Variants in AIMP1 observed in about 807,000 individuals in gnomAD.
The protein encoded by AIMP1 is aminoacyl tRNA synthase complex-interacting multifunctional protein 1.
Under a neutral mutation model 33.1 loss-of-function variants are expected in AIMP1, and 24 were observed. That is an observed-to-expected ratio of 0.73 (90% CI 0.53 to 1.02). AIMP1 has a LOEUF of 1.02. AIMP1 is among the 50% of genes least tolerant of loss of function. AIMP1 has a pLI of 0.00. For synonymous variants in AIMP1, 120 were observed against 121.5 expected, an observed-to-expected ratio of 0.99 and a Z score of 0.08; for missense variants, 367 against 364.8, an observed-to-expected ratio of 1.01 and a Z score of -0.05.
intron 5 of AIMP1, among the ~76,000 whole-genome samples, chr4:106,332,227 A>G (rs185154036): frequency 1.7e-3 from 258 of 152,216 alleles, no homozygotes; most frequent in Non-Finnish European, 3.1e-3. Context: ...AACAAAATAC[A>G]AAACATCCCA....
At chr4:106,318,390 C>T (rs899055718) in intron 1 of AIMP1, among the ~76,000 whole-genome samples, 7 of 152,142 alleles carry the variant, frequency 4.6e-5, no homozygotes, top group South Asian at 2.1e-4. Context: ...ATAATAAGGA[C>T]GGTCTTTCAG....
rs1052449916 is a variant in AIMP1, at chr4:106,331,030, T to C, written c.392-642T>C. Among the ~76,000 whole-genome samples, 21 of 152,306 alleles carry C rather than the reference T, an allele frequency of 1.4e-4. 1 individual carries two copies. The highest frequency in any genetic ancestry group is 1.2e-3 in the Admixed American group (19 of 15,292). ...TATCTGCTTAAATAGTTACTGTGGA[T>C]AACCCTAAAATCCTAATATATCTTC... On this transcript the variant is annotated intron_variant, in intron 4 of 6. Transcript: ENST00000672341.
At chr4:106,337,102 C>A in intron 6 of AIMP1, 65 bp downstream of exon 6, 2 of 1,407,466 alleles carry the variant, frequency 1.4e-6, no homozygotes, top group African/African-American at 1.4e-5. Flanking sequence ...GTTTGTAATG[C>A]TTAAAGGTTA....
chr4:106,320,939 G>T (rs1303485958), intron 1 of AIMP1, among the ~76,000 whole-genome samples: 1 of 152,152 alleles, frequency 6.6e-6, no homozygotes, highest in Non-Finnish European at 1.5e-5. Context: ...GTGGAGACGG[G>T]GTTTCACCGT....
intron 5 of AIMP1, among the ~76,000 whole-genome samples, chr4:106,336,328 C>T (rs1032623242): frequency 3.3e-5 from 5 of 150,864 alleles, no homozygotes; most frequent in Non-Finnish European, 7.4e-5. Flanking sequence ...AGGTGTGAGC[C>T]ACCACACCCA....
chr4:106,324,136 A>G (rs1769373937), intron 1 of AIMP1, among the ~76,000 whole-genome samples: 2 of 152,016 alleles, frequency 1.3e-5, no homozygotes, highest in Admixed American at 6.5e-5. Flanking sequence ...AAATTTCACC[A>G]TTAATATTGA....
chr4:106,343,511 A>G (rs891496202), intron 6 of AIMP1, among the ~76,000 whole-genome samples: 3 of 151,888 alleles, frequency 2.0e-5, no homozygotes, highest in Non-Finnish European at 2.9e-5. Flanking sequence ...CACACAGGGG[A>G]TTTTCTTTTT....
intron 6 of AIMP1, among the ~76,000 whole-genome samples, chr4:106,344,313 A>G (rs1021117494): frequency 1.3e-5 from 2 of 152,140 alleles, no homozygotes; most frequent in African/African-American, 4.8e-5. Context: ...ACATGTTCCA[A>G]GGGGGAAGGA....
rs767287148 is a variant in AIMP1, at chr4:106,336,748, A to T, written c.604-121A>T. 54 of 973,012 alleles carry T rather than the reference A, an allele frequency of 5.5e-5. No individual in the cohort carries two copies. In the Middle Eastern group the frequency reaches 1.2e-3, roughly 21 times the overall value. 60.3% of individuals were successfully genotyped at this position (973,012 alleles called of 1,614,324 possible). A position where few individuals can be genotyped will look rare whatever the true frequency, so the allele number is the denominator to read the frequency against. The stretch of plus-strand genomic sequence containing the variant: ...AGAGACTTTGGGCACACAAAGACAA[A>T]GGTACATCCACAAAAGTAGAACATT... On this transcript the variant is annotated intron_variant, in intron 5 of 6. Coordinates refer to ENST00000672341, the MANE Select transcript of AIMP1 (RefSeq NM_001142416.2).
At position 106,325,047 on chromosome 4, in the gene AIMP1, A is replaced by G. The variant is rs1404266849; in HGVS notation, c.38A>G (p.Gln13Arg). The G allele has an allele frequency of 3.1e-6, 5 of 1,612,920 alleles. No individual in the cohort carries two copies. Among genetic ancestry groups the G allele is most frequent in the Non-Finnish European group, 3.4e-6 (4 of 1,179,328 alleles). ...GATGCTGTTCTGAAGAGACTGGAGCAGAAGGGTGCAGAGGCAGATCAAATC... is the reference window on the plus strand; with the variant it reads ...GATGCTGTTCTGAAGAGACTGGAGCGGAAGGGTGCAGAGGCAGATCAAATC... ...NNDAVLKRLE[Q>R]KGAEADQIIE... Residue 13 changes from glutamine (Q) to arginine (R), a missense_variant, in exon 2 of 7, where the codon CAG (glutamine) becomes CGG (arginine). Gln to Arg is a conservative substitution (Grantham distance 43, BLOSUM62 1). Coordinates refer to ENST00000672341, the MANE Select transcript of AIMP1 (RefSeq NM_001142416.2).
intron 1 of AIMP1, among the ~76,000 whole-genome samples, chr4:106,318,243 A>G (rs777489496): frequency 3.3e-5 from 5 of 152,204 alleles, no homozygotes; most frequent in Non-Finnish European, 7.4e-5. Context: ...CTGCGCTTAC[A>G]TATTTTGAGT....
At chr4:106,321,485 A>T (rs938551648) in intron 1 of AIMP1, 1 of 153,696 alleles carries the variant, frequency 6.5e-6, no homozygotes, top group African/African-American at 2.6e-5. Flanking sequence ...GCCCGGTCTG[A>T]GAAGTGAGGA....
chr4:106,319,151 A>G (rs937843014), intron 1 of AIMP1, among the ~76,000 whole-genome samples: 1 of 152,196 alleles, frequency 6.6e-6, no homozygotes, highest in African/African-American at 2.4e-5. Flanking sequence ...TAGCATAAGA[A>G]TTCTAAAATT....
In AIMP1 at chr4:106,348,849, A is replaced by G. The variant is rs1770394533; in HGVS notation, c.*1157A>G. 1 of 152,114 alleles carries G rather than the reference A, an allele frequency of 6.6e-6. No individual in the cohort carries two copies. The highest frequency in any genetic ancestry group is 1.5e-5 in the Non-Finnish European group (1 of 68,000). 9.4% of individuals were successfully genotyped at this position (152,114 alleles called of 1,614,324 possible). A position where few individuals can be genotyped will look rare whatever the true frequency, so the allele number is the denominator to read the frequency against. ...TTTACAGGTTCAACAAAAGAATGGC[A>G]TCAATAGAGGCAGAAGTATAGACAT... On this transcript the variant is annotated 3_prime_UTR_variant, in exon 7 of 7. Coordinates refer to ENST00000672341, the MANE Select transcript of AIMP1 (RefSeq NM_001142416.2).
intron 1 of AIMP1, among the ~76,000 whole-genome samples, chr4:106,324,639 C>A (rs1377363840): frequency 6.6e-6 from 1 of 152,002 alleles, no homozygotes; most frequent in Non-Finnish European, 1.5e-5. Context: ...TACTTTGGAA[C>A]ACAGATGTAA....
chr4:106,330,050 G>A (rs376789956), intron 4 of AIMP1, among the ~76,000 whole-genome samples: 8 of 151,972 alleles, frequency 5.3e-5, no homozygotes, highest in Admixed American at 2.0e-4. Context: ...CCCAAAGTGC[G>A]GGGATTATAG....
At chr4:106,332,254 G>T (rs938776183) in intron 5 of AIMP1, among the ~76,000 whole-genome samples, 6 of 151,740 alleles carry the variant, frequency 4.0e-5, no homozygotes, top group African/African-American at 1.2e-4. Flanking sequence ...ACAAATAAAG[G>T]AATACTATTA....
intron 1 of AIMP1, among the ~76,000 whole-genome samples, chr4:106,320,613 T>G (rs1769176105): frequency 6.6e-6 from 1 of 151,436 alleles, no homozygotes; most frequent in Non-Finnish European, 1.5e-5. Context: ...AAAAGATTAG[T>G]GATTAAGACC....
At chr4:106,333,052 A>G (rs1467637828) in intron 5 of AIMP1, among the ~76,000 whole-genome samples, 1 of 150,840 alleles carries the variant, frequency 6.6e-6, no homozygotes, top group Non-Finnish European at 1.5e-5. Context: ...TAAGGCAGAA[A>G]TTGGTTAACA....
Sources: gnomAD v4.1 joint callset for allele counts (sites outside exome capture counted in the v4.1 genomes callset) on GRCh38, gnomAD v4.1.1 for gene constraint, MANE v1.5 for transcripts, NCBI Gene and HGNC (gene_info 2026-07-23, HGNC 2026-07-21) for gene names.